Variants in IQSEC3 observed in about 807,000 individuals in gnomAD.
IQSEC3 encodes IQ motif and Sec7 domain ArfGEF 3, also known as IQ motif and SEC7 domain-containing protein 3.
A neutral mutation model predicts 105.4 loss-of-function variants in IQSEC3; 50 were observed. That is an observed-to-expected ratio of 0.47 (90% CI 0.38 to 0.60). IQSEC3 has a LOEUF of 0.60. Among genes scored for constraint, IQSEC3 ranks in the 20% least tolerant of loss-of-function variants. IQSEC3 has a pLI of 0.00. For missense variants in IQSEC3, 1,415 were observed against 1,630.0 expected (o/e 0.87, Z 2.27); for synonymous variants, 708 against 746.0 (o/e 0.95, Z 0.83).
chr12:114,305 A>G (rs575641121), intron 2 of IQSEC3, among the ~76,000 whole-genome samples: 2 of 152,334 alleles, frequency 1.3e-5, no homozygotes, highest in South Asian at 2.1e-4. Flanking sequence ...CATGTTCTTC[A>G]GGTTCCAAGC....
intron 1 of IQSEC3, among the ~76,000 whole-genome samples, chr12:84,442 G>A (rs1371803750): frequency 1.3e-5 from 2 of 152,232 alleles, no homozygotes; most frequent in African/African-American, 4.8e-5. Context: ...ATGTGTGCAC[G>A]GGCAGGGTTG....
Position 176,166 on chromosome 12 carries a change from G to A in IQSEC3, c.*1133G>A, listed in dbSNP as rs918237263. The A allele has an allele frequency of 1.3e-5, 2 of 152,210 alleles. No individual in the cohort carries two copies. The highest frequency in any genetic ancestry group is 4.8e-5 in the African/African-American group (2 of 41,440). 9.4% of individuals were successfully genotyped at this position (152,210 alleles called of 1,614,324 possible). On this transcript the variant is annotated 3_prime_UTR_variant, in exon 14 of 14. Transcript: ENST00000538872. This position sits in a 1 kb window ranked among gnomAD's most constrained non-coding sequence, Gnocchi z 4.0. The stretch of plus-strand genomic sequence containing the variant: ...GGTTCTAGACCCCCCCCTTCCAGCA[G>A]GGGTGCCCAAGAGTCCCTGGACCCT...
intron 1 of IQSEC3, among the ~76,000 whole-genome samples, chr12:88,219 G>A (rs1420629800): frequency 6.6e-6 from 1 of 152,236 alleles, no homozygotes; most frequent in African/African-American, 2.4e-5. Flanking sequence ...GGAAGGTTCT[G>A]TGCTCTGCCT....
intron 3 of IQSEC3, among the ~76,000 whole-genome samples, chr12:126,544 G>GGTGA (rs1555083566): frequency 1.4e-5 from 2 of 145,732 alleles, no homozygotes; most frequent in East Asian, 4.0e-4. Context: ...CTTGATGGAA[G>GGTGA]GTGTGTGTGT....
Position 146,434 on chromosome 12 carries a change from C to G in IQSEC3, c.2153+5149C>G, listed in dbSNP as rs79226792. ...AGGTTAGGGCTACTGTGAGCTCTTA[C>G]GGCACCACTGCACTCCAGCCTGGGC... On this transcript the variant is annotated intron_variant, in intron 5 of 13. Coordinates refer to ENST00000538872, the MANE Select transcript of IQSEC3 (RefSeq NM_001170738.2). 9.1e-3 allele frequency among the ~76,000 whole-genome samples: 1,387 copies of G among 152,272 alleles called. 19 individuals carry two copies. Among genetic ancestry groups the G allele is most frequent in the African/African-American group, 0.031 (1,280 of 41,554 alleles).
rs111698246 is a variant in IQSEC3, at chr12:143,826, CGTGTGT to C, written c.2153+2577_2153+2582del. ...TGAGAATGGGGCCACGCTGGGCACC[CGTGTGT>C]GTGTGTGTGTGTGTGTGTGTGTGTG... On this transcript the variant is annotated intron_variant, in intron 5 of 13. Coordinates refer to ENST00000538872, the MANE Select transcript of IQSEC3 (RefSeq NM_001170738.2). 4.3e-3 allele frequency: 629 copies of C among 147,506 alleles called. 3 individuals are homozygous for C. Among genetic ancestry groups the C allele is most frequent in the African/African-American group, 9.2e-3 (355 of 38,724 alleles). 9.1% of individuals were successfully genotyped at this position (147,506 alleles called of 1,614,324 possible). A position where few individuals can be genotyped will look rare whatever the true frequency, so the allele number is the denominator to read the frequency against.
At chr12:68,325 C>T (rs1180833277) in intron 1 of IQSEC3, among the ~76,000 whole-genome samples, 6 of 152,202 alleles carry the variant, frequency 3.9e-5, no homozygotes, top group Non-Finnish European at 7.3e-5. Flanking sequence ...TATTCAGATG[C>T]CATGCCTGTT....
chr12:93,583 A>G (rs1193822415), intron 1 of IQSEC3, among the ~76,000 whole-genome samples: 2 of 152,232 alleles, frequency 1.3e-5, no homozygotes. Context: ...AGGATGACCT[A>G]GGCAATGATC....
At position 138,764 on chromosome 12, in the gene IQSEC3, C is replaced by T. The variant is rs368573435; in HGVS notation, c.1401C>T (p.Ala467=). ...CGGGCCCCGGGCCCGGGGATGACGC[C>T]GCGGAGACCCCCGGCCTGCCCCCGG... ...ESAGPGPGDD[A]AETPGLPPAH... Residue 467 remains alanine, a synonymous_variant, in exon 4 of 14, where the codon GCC becomes GCT. Coordinates refer to ENST00000538872, the MANE Select transcript of IQSEC3 (RefSeq NM_001170738.2). This position sits in a 1 kb window ranked among gnomAD's most constrained non-coding sequence, Gnocchi z 7.1. 134 of 1,574,648 alleles carry T rather than the reference C, an allele frequency of 8.5e-5. No homozygotes were observed. The African/African-American group carries it at 1.6e-3, about 19-fold the overall frequency.
rs1484100085 is a variant in IQSEC3, at chr12:177,254, C to G, written c.*2221C>G. 1 of 106,378 alleles carries G rather than the reference C, an allele frequency of 9.4e-6. No individual in the cohort carries two copies. The highest frequency in any genetic ancestry group is 2.2e-5 in the Non-Finnish European group (1 of 44,988). The allele number at this position is 106,378 out of a possible 1,614,324, so 6.6% of individuals were successfully genotyped here. ...GGCAGAACCCCGTCCCCTGCTCACA[C>G]AGCTCTTCAAGCTTACCAAGGACAG... On this transcript the variant is annotated 3_prime_UTR_variant, in exon 14 of 14. Coordinates refer to ENST00000538872, the MANE Select transcript of IQSEC3 (RefSeq NM_001170738.2). This position sits in a 1 kb window ranked among gnomAD's most constrained non-coding sequence, Gnocchi z 5.3.
chr12:68,846 G>A (rs1223460967), intron 1 of IQSEC3, among the ~76,000 whole-genome samples: 1 of 152,254 alleles, frequency 6.6e-6, no homozygotes, highest in African/African-American at 2.4e-5. Context: ...CAAAACCACA[G>A]GATCTAAGAG....
At chr12:103,279 A>T in intron 2 of IQSEC3, among the ~76,000 whole-genome samples, 1 of 150,334 alleles carries the variant, frequency 6.7e-6, no homozygotes, top group Non-Finnish European at 1.5e-5. Context: ...GGCCAAGATG[A>T]GGAAGGTGGG....
intron 3 of IQSEC3, among the ~76,000 whole-genome samples, chr12:135,022 C>T (rs1249956040): frequency 2.0e-5 from 3 of 152,118 alleles, no homozygotes; most frequent in African/African-American, 7.2e-5. Flanking sequence ...CCCAGCTACT[C>T]AGGAGGCTGA....
chr12:162,094 G>C, intron 8 of IQSEC3, 29 bp downstream of exon 8: 1 of 1,608,750 alleles, frequency 6.2e-7, no homozygotes, highest in Middle Eastern at 1.7e-4. Flanking sequence ...CCTATCTCCC[G>C]TCTCCTTTCC....
At position 141,110 on chromosome 12, in the gene IQSEC3, A is replaced by T; in HGVS notation, c.1992-14A>T. The T allele has an allele frequency of 8.2e-7, 1 of 1,223,622 alleles. No homozygotes were observed. The highest frequency in any genetic ancestry group is 1.1e-6 in the Non-Finnish European group (1 of 904,192). 75.8% of individuals were successfully genotyped at this position (1,223,622 alleles called of 1,614,324 possible). On this transcript the variant is annotated splice_polypyrimidine_tract_variant and intron_variant, in intron 4 of 13. Transcript: ENST00000538872. ...AGCTCACTCTCTACTGCTTCTCCCCACCCCCACCTCCAGAAACCCCGACAA... is the reference window on the plus strand; with the variant it reads ...AGCTCACTCTCTACTGCTTCTCCCCTCCCCCACCTCCAGAAACCCCGACAA...
Position 82,547 on chromosome 12 carries a change from G to A in IQSEC3, c.554+15111G>A, listed in dbSNP as rs1029905934. 1.2e-4 allele frequency among the ~76,000 whole-genome samples: 19 copies of A among 152,236 alleles called. No homozygotes were observed. In the East Asian group the frequency reaches 3.1e-3, roughly 25 times the overall value. ...TGTCAGCTAACTACACATGCTGACC[G>A]TCCACCGCAGCAAAGGCCCTGTCCT... On this transcript the variant is annotated intron_variant, in intron 1 of 13. Coordinates refer to ENST00000538872, the MANE Select transcript of IQSEC3 (RefSeq NM_001170738.2).
chr12:108,387 T>C (rs1242790911), intron 2 of IQSEC3, among the ~76,000 whole-genome samples: 1 of 152,218 alleles, frequency 6.6e-6, no homozygotes, highest in Non-Finnish European at 1.5e-5. Context: ...ATTCACAGGT[T>C]TGGGCTGAGC....
intron 7 of IQSEC3, among the ~76,000 whole-genome samples, chr12:161,561 G>A (rs926917355): frequency 6.6e-6 from 1 of 152,144 alleles, no homozygotes; most frequent in Admixed American, 6.5e-5. Flanking sequence ...GGTGGAGCTG[G>A]GGGGTGAGAC....
intron 12 of IQSEC3, among the ~76,000 whole-genome samples, chr12:170,567 C>CTG (rs1174535407): frequency 1.3e-5 from 2 of 152,234 alleles, no homozygotes; most frequent in Non-Finnish European, 2.9e-5. Context: ...AGCCAATGAG[C>CTG]TGTCCGTGGG....
Sources: allele counts gnomAD v4.1 joint callset (sites outside exome capture counted in the v4.1 genomes callset), GRCh38; gene constraint gnomAD v4.1.1; non-coding constraint Gnocchi (gnomAD v3.1); transcripts MANE v1.5; gene names NCBI Gene and HGNC (gene_info 2026-07-23, HGNC 2026-07-21).